The following OLFM3 variants were observed in gnomAD, a reference collection of about 807,000 sequenced individuals.
OLFM3 encodes olfactomedin 3, also known as noelin-3.
In OLFM3, 20 loss-of-function variants were observed where a neutral mutation model predicts 48.6. The ratio of observed to expected loss-of-function variants is 0.41; its 90% CI spans 0.29 to 0.60. The LOEUF (loss-of-function observed/expected upper bound fraction) is 0.60, where lower values mean the gene tolerates loss of function less well. Among genes scored for constraint, OLFM3 ranks in the 20% least tolerant of loss-of-function variants. The probability of loss-of-function intolerance (pLI) is 0.28; values close to 1 mark genes in which losing one functional copy is unlikely to be tolerated. For synonymous variants in OLFM3, 222 were observed against 198.1 expected (o/e 1.12, Z -1.01); for missense variants, 437 against 544.3 (o/e 0.80, Z 1.96).
intron 1 of OLFM3, among the ~76,000 whole-genome samples, chr1:101,919,129 T>C (rs1210998977): frequency 6.6e-6 from 1 of 152,164 alleles, no homozygotes; most frequent in Non-Finnish European, 1.5e-5. Context: ...TAGAACTTAA[T>C]TTGGTTCTAC....
chr1:101,934,855 T>C (rs1350575051), intron 1 of OLFM3, among the ~76,000 whole-genome samples: 2 of 151,928 alleles, frequency 1.3e-5, no homozygotes, highest in African/African-American at 4.8e-5. Context: ...AAACAACATA[T>C]ACCCGAATGA....
At chr1:101,995,649 CT>C (rs1312201723) in intron 1 of OLFM3, among the ~76,000 whole-genome samples, 3 of 152,088 alleles carry the variant, frequency 2.0e-5, no homozygotes, top group African/African-American at 7.2e-5. Flanking sequence ...TTAAATTATG[CT>C]TGGTTACATC....
chr1:101,977,055 A>G (rs766999802), intron 1 of OLFM3, among the ~76,000 whole-genome samples: 14 of 152,196 alleles, frequency 9.2e-5, no homozygotes, highest in Non-Finnish European at 1.8e-4. Flanking sequence ...ATAGTAAACT[A>G]GAAATTTTAC....
intron 1 of OLFM3, among the ~76,000 whole-genome samples, chr1:101,990,989 T>TAAA (rs58481588): frequency 0.05 from 444 of 8,924 alleles, 73 homozygotes; most frequent in South Asian, 0.17. Flanking sequence ...TGTCAAAAAG[T>TAAA]AAAAAAAAAA....
chr1:101,817,286 T>C (rs1185334017), intron 4 of OLFM3, among the ~76,000 whole-genome samples: 1 of 152,138 alleles, frequency 6.6e-6, no homozygotes, highest in African/African-American at 2.4e-5. Context: ...TTAGGAGTCT[T>C]GCTTCATTGA....
chr1:101,995,319 T>C (rs924437163), intron 1 of OLFM3, among the ~76,000 whole-genome samples: 3 of 152,052 alleles, frequency 2.0e-5, no homozygotes, highest in Non-Finnish European at 4.4e-5. Context: ...ATAGAATGTG[T>C]CACTACAGGG....
chr1:101,986,019 G>T (rs1180124115), intron 1 of OLFM3, among the ~76,000 whole-genome samples: 1 of 148,372 alleles, frequency 6.7e-6, no homozygotes, highest in Non-Finnish European at 1.5e-5. Flanking sequence ...AGGCTGGAGT[G>T]CAGTGGCGCG....
At chr1:101,839,286 G>A (rs1655592804) in intron 1 of OLFM3, among the ~76,000 whole-genome samples, 1 of 152,098 alleles carries the variant, frequency 6.6e-6, no homozygotes, top group South Asian at 2.1e-4. Context: ...GATGTACTTA[G>A]AATTATACAT....
At chr1:101,953,416 C>T (rs960395562) in intron 1 of OLFM3, among the ~76,000 whole-genome samples, 1 of 152,138 alleles carries the variant, frequency 6.6e-6, no homozygotes, top group African/African-American at 2.4e-5. Context: ...ACAATAGATA[C>T]TGTATAGTCC....
intron 1 of OLFM3, among the ~76,000 whole-genome samples, chr1:101,954,224 T>C (rs1341031827): frequency 6.6e-6 from 1 of 152,110 alleles, no homozygotes; most frequent in Non-Finnish European, 1.5e-5. Context: ...AACAGAATTA[T>C]AACCCAAAAG....
intron 1 of OLFM3, among the ~76,000 whole-genome samples, chr1:101,953,697 AGT>A: frequency 6.6e-6 from 1 of 152,314 alleles, no homozygotes; most frequent in Non-Finnish European, 1.5e-5. Flanking sequence ...AGTTCAGTCC[AGT>A]AAGTGACTAG....
At chr1:101,836,745 GA>G (rs1171943328) in intron 2 of OLFM3, 133 bp downstream of exon 2, 15 of 869,924 alleles carry the variant, frequency 1.7e-5, no homozygotes, top group Admixed American at 2.4e-5. Context: ...TCAAGGATCA[GA>G]AAAAAAAGCT....
chr1:101,812,902 T>C lies in OLFM3; in HGVS notation c.593-6720A>G, dbSNP rs1435627102. The C allele has an allele frequency of 3.0e-6, 3 of 1,000,542 alleles. No individual in the cohort carries two copies. The African/African-American group carries it at 5.2e-5, about 17-fold the overall frequency. 62.0% of individuals were successfully genotyped at this position (1,000,542 alleles called of 1,614,324 possible). A position where few individuals can be genotyped will look rare whatever the true frequency, so the allele number is the denominator to read the frequency against. ...AGCAAACTTTACTTTCTTGTAGCAC[T>C]AAGCATTTCTCTGAAATATGTTAGA... On this transcript the variant is annotated intron_variant, in intron 4 of 5. Coordinates refer to ENST00000370103, the MANE Select transcript of OLFM3 (RefSeq NM_058170.4).
chr1:101,822,621 A>G (rs1280620285), intron 4 of OLFM3, among the ~76,000 whole-genome samples: 2 of 152,192 alleles, frequency 1.3e-5, no homozygotes, highest in Non-Finnish European at 2.9e-5. Context: ...ATGAGCTAAT[A>G]GAAAATGCAT....
intron 1 of OLFM3, among the ~76,000 whole-genome samples, chr1:101,945,950 G>T (rs1659952219): frequency 6.6e-6 from 1 of 152,134 alleles, no homozygotes; most frequent in African/African-American, 2.4e-5. Context: ...TAATGTTGAG[G>T]CAGGGACATG....
At chr1:101,961,620 C>A (rs1660469687) in intron 1 of OLFM3, among the ~76,000 whole-genome samples, 1 of 152,074 alleles carries the variant, frequency 6.6e-6, no homozygotes, top group Non-Finnish European at 1.5e-5. Flanking sequence ...GTTCTGATTT[C>A]TAATCTTGTA....
chr1:101,881,068 G>A (rs973051019), intron 1 of OLFM3, among the ~76,000 whole-genome samples: 5 of 151,844 alleles, frequency 3.3e-5, no homozygotes, highest in African/African-American at 1.2e-4. Context: ...TTTCTTAGCG[G>A]GCTTGCTGAG....
intron 1 of OLFM3, among the ~76,000 whole-genome samples, chr1:101,878,484 A>G (rs1295760147): frequency 6.6e-6 from 1 of 151,878 alleles, no homozygotes; most frequent in Non-Finnish European, 1.5e-5. Flanking sequence ...TGATAAATTT[A>G]TATTCTACAT....
chr1:101,837,222 C>T (rs1655468253), intron 1 of OLFM3, among the ~76,000 whole-genome samples, 197 bp from the exon 2 acceptor site: 1 of 152,116 alleles, frequency 6.6e-6, no homozygotes, highest in Non-Finnish European at 1.5e-5. Context: ...TATCAATGTC[C>T]AAAACAAGAT....
Sources: allele counts gnomAD v4.1 joint callset (sites outside exome capture counted in the v4.1 genomes callset), GRCh38; gene constraint gnomAD v4.1.1; transcripts MANE v1.5; gene names NCBI Gene and HGNC (gene_info 2026-07-23, HGNC 2026-07-21).